EYS: variants seen among roughly 807,000 people sequenced by gnomAD.
The protein encoded by EYS is EGF-like photoreceptor maintenance factor, also known as protein eyes shut homolog.
EYS carries 250 observed loss-of-function variants against 282.1 expected under a neutral mutation model. That is an observed-to-expected ratio of 0.89 (90% confidence interval 0.80 to 0.98). The LOEUF is 0.98. Among genes scored for constraint, EYS ranks in the 50% least tolerant of loss-of-function variants. The probability of loss-of-function intolerance (pLI) is 0.00; values close to 1 mark genes in which losing one functional copy is unlikely to be tolerated. For missense variants in EYS, 4,016 were observed against 3,709.0 expected (o/e 1.08, Z -2.15); for synonymous variants, 1,355 against 1,282.9 (o/e 1.06, Z -1.20).
chr6:65,667,645 A>G (rs755913460), intron 1 of EYS, among the ~76,000 whole-genome samples: 2 of 151,872 alleles, frequency 1.3e-5, no homozygotes, highest in Non-Finnish European at 3.0e-5. Context: ...GCATATTAAC[A>G]TGATTGTTCT....
intron 26 of EYS, among the ~76,000 whole-genome samples, chr6:64,568,305 G>A (rs1201072319): frequency 1.3e-5 from 2 of 152,154 alleles, no homozygotes; most frequent in African/African-American, 4.8e-5. Flanking sequence ...GAAGGCCTAG[G>A]AAACAGAGCT....
chr6:63,978,221 A>C lies in EYS; in HGVS notation c.7055+6162T>G, dbSNP rs183415409. On this transcript the variant is annotated intron_variant, in intron 35 of 42. Transcript: ENST00000503581. Reference sequence around the variant, plus strand: ...TAACATAATAAGAAAGATAGGAAAAACTATGAAATCATTTATGCTTCTAAG... The same window carrying C: ...TAACATAATAAGAAAGATAGGAAAACCTATGAAATCATTTATGCTTCTAAG... 1.2e-3 allele frequency among the ~76,000 whole-genome samples: 177 copies of C among 152,100 alleles called. 1 individual carries two copies. Among genetic ancestry groups the C allele is most frequent in the African/African-American group, 4.1e-3 (169 of 41,534 alleles).
intron 26 of EYS, among the ~76,000 whole-genome samples, chr6:64,551,842 A>G (rs2149806084): frequency 6.6e-6 from 1 of 152,254 alleles, no homozygotes; most frequent in East Asian, 1.9e-4. Context: ...AAGTGTTCCT[A>G]TTTCTCCACA....
At chr6:65,080,053 AG>A (rs1431200982) in intron 12 of EYS, among the ~76,000 whole-genome samples, 1 of 152,162 alleles carries the variant, frequency 6.6e-6, no homozygotes, top group Non-Finnish European at 1.5e-5. Flanking sequence ...GTCAAAGAAG[AG>A]GAGGAATGCA....
At chr6:65,553,435 A>C (rs1311578648) in intron 2 of EYS, among the ~76,000 whole-genome samples, 1 of 152,194 alleles carries the variant, frequency 6.6e-6, no homozygotes. Flanking sequence ...AGCATCTAAA[A>C]CAAGAATCTG....
intron 22 of EYS, among the ~76,000 whole-genome samples, chr6:64,635,042 C>T (rs1479330088): frequency 6.6e-6 from 1 of 151,774 alleles, no homozygotes; most frequent in Non-Finnish European, 1.5e-5. Context: ...CCTTCACATC[C>T]CTTGTAAGTT....
At chr6:64,016,592 C>T (rs940598553) in intron 33 of EYS, among the ~76,000 whole-genome samples, 1 of 151,700 alleles carries the variant, frequency 6.6e-6, no homozygotes, top group African/African-American at 2.4e-5. Flanking sequence ...CCTCCTGCCT[C>T]AGACTCCCAA....
chr6:65,542,289 G>T (rs777044174), intron 2 of EYS, among the ~76,000 whole-genome samples: 2 of 151,822 alleles, frequency 1.3e-5, no homozygotes, highest in Non-Finnish European at 2.9e-5. Flanking sequence ...TCCAATAATA[G>T]CTAGATTTGA....
chr6:64,632,558 C>A (rs1767820276), intron 22 of EYS, among the ~76,000 whole-genome samples: 1 of 2,294 alleles, frequency 4.4e-4, no homozygotes, highest in African/African-American at 5.0e-4. Context: ...CTTCACTTAC[C>A]CCTGTGTCCT....
chr6:65,329,697 C>T lies in EYS; in HGVS notation c.1766+5283G>A, dbSNP rs1445183838. The T allele has an allele frequency of 1.2e-5, 12 of 979,322 alleles. No homozygotes were observed. In the Admixed American group the frequency reaches 1.9e-4, roughly 15 times the overall value. 60.7% of individuals were successfully genotyped at this position (979,322 alleles called of 1,614,324 possible). A position where few individuals can be genotyped will look rare whatever the true frequency, so the allele number is the denominator to read the frequency against. On this transcript the variant is annotated intron_variant, in intron 11 of 42. Coordinates refer to ENST00000503581, the MANE Select transcript of EYS (RefSeq NM_001142800.2). ...ACTATTCAACTTGTTAATAAAATCACGGACATCACGGCAGAAATTACAATA... is the reference window on the plus strand; with the variant it reads ...ACTATTCAACTTGTTAATAAAATCATGGACATCACGGCAGAAATTACAATA...
intron 26 of EYS, among the ~76,000 whole-genome samples, chr6:64,577,422 C>T (rs1446351817): frequency 3.3e-5 from 5 of 151,952 alleles, no homozygotes; most frequent in Admixed American, 3.3e-4. Context: ...CTCTCTCTCT[C>T]AATCGTTCAA....
chr6:64,793,576 G>A (rs907700638), intron 22 of EYS, among the ~76,000 whole-genome samples: 1 of 152,136 alleles, frequency 6.6e-6, no homozygotes, highest in African/African-American at 2.4e-5. Context: ...TCACATGCTA[G>A]ACCTGATCAA....
chr6:64,653,459 T>C (rs1180291301), intron 22 of EYS, among the ~76,000 whole-genome samples: 1 of 152,228 alleles, frequency 6.6e-6, no homozygotes, highest in East Asian at 1.9e-4. Flanking sequence ...GGCGGGTTAA[T>C]ACTCAATTTT....
At chr6:64,299,651 G>C (rs1769165069) in intron 30 of EYS, among the ~76,000 whole-genome samples, 1 of 152,224 alleles carries the variant, frequency 6.6e-6, no homozygotes, top group Non-Finnish European at 1.5e-5. Flanking sequence ...AACAGAAACA[G>C]TACATAAAAT....
At chr6:64,351,719 G>A (rs649582) in intron 29 of EYS, among the ~76,000 whole-genome samples, 103,847 of 151,248 alleles carry the variant, frequency 0.69, 35,683 homozygotes, top group South Asian at 0.71. Context: ...AGGTGATTGA[G>A]GATTTCTAGG....
chr6:64,635,313 T>G (rs1428532855), intron 22 of EYS, among the ~76,000 whole-genome samples: 1 of 152,200 alleles, frequency 6.6e-6, no homozygotes, highest in East Asian at 1.9e-4. Flanking sequence ...ATACCCTTTA[T>G]TTCCTTCTCC....
At chr6:65,678,089 T>A (rs948208762) in intron 1 of EYS, among the ~76,000 whole-genome samples, 1 of 152,016 alleles carries the variant, frequency 6.6e-6, no homozygotes, top group Admixed American at 6.6e-5. Flanking sequence ...AAGCTTATAA[T>A]CATTGTGAAG....
intron 22 of EYS, among the ~76,000 whole-genome samples, chr6:64,766,631 C>CAAAAAAAAA (rs1173014436): frequency 3.4e-4 from 5 of 14,828 alleles, no homozygotes; most frequent in African/African-American, 1.0e-3. Flanking sequence ...AACTCCGTCT[C>CAAAAAAAAA]AAAAAAAAAA....
intron 8 of EYS, among the ~76,000 whole-genome samples, chr6:65,375,407 T>C (rs1340161618): frequency 6.6e-6 from 1 of 151,984 alleles, no homozygotes; most frequent in Non-Finnish European, 1.5e-5. Flanking sequence ...AGGTCAAAGG[T>C]AGATAAATCC....
Sources: allele counts gnomAD v4.1 joint callset (sites outside exome capture counted in the v4.1 genomes callset), GRCh38; gene constraint gnomAD v4.1.1; transcripts MANE v1.5; gene names NCBI Gene and HGNC (gene_info 2026-07-23, HGNC 2026-07-21).